The following PTPRD variants were observed in gnomAD, a reference collection of about 807,000 sequenced individuals.
PTPRD encodes the protein receptor-type tyrosine-protein phosphatase delta.
Under a neutral mutation model 214.5 loss-of-function variants are expected in PTPRD, and 34 were observed. The observed-to-expected ratio is 0.16, with a 90% CI of 0.12 to 0.21. The LOEUF (loss-of-function observed/expected upper bound fraction) is 0.21, where lower values mean the gene tolerates loss of function less well. PTPRD is among the 10% of genes least tolerant of loss of function. The probability of loss-of-function intolerance (pLI) is 1.00; values close to 1 mark genes in which losing one functional copy is unlikely to be tolerated. For missense variants in PTPRD, 2,545 were observed against 2,398.7 expected, an observed-to-expected ratio of 1.06 and a Z score of -1.27; for synonymous variants, 1,128 against 845.7, an observed-to-expected ratio of 1.33 and a Z score of -5.79.
At chr9:10,139,601 C>A (rs77494515) in intron 3 of PTPRD, among the ~76,000 whole-genome samples, 1 of 151,684 alleles carries the variant, frequency 6.6e-6, no homozygotes, top group African/African-American at 2.4e-5. Context: ...AACAAACAAA[C>A]GAAATGAGCT....
At chr9:10,409,554 C>G (rs1244679785) in intron 2 of PTPRD, among the ~76,000 whole-genome samples, 1 of 151,714 alleles carries the variant, frequency 6.6e-6, no homozygotes, top group Non-Finnish European at 1.5e-5. Context: ...TTATCTCCTA[C>G]CTTTCTAGGA....
chr9:9,110,713 A>C (rs1310767143), intron 10 of PTPRD, among the ~76,000 whole-genome samples: 1 of 152,004 alleles, frequency 6.6e-6, no homozygotes, highest in African/African-American at 2.4e-5. Flanking sequence ...ACCACCATCA[A>C]CTCAGCCTGT....
At chr9:8,545,333 C>A (rs150393077) in intron 14 of PTPRD, among the ~76,000 whole-genome samples, 8 of 152,118 alleles carry the variant, frequency 5.3e-5, no homozygotes, top group Admixed American at 4.6e-4. Context: ...CCAAATGGAA[C>A]CTGTAACAGA....
intron 7 of PTPRD, among the ~76,000 whole-genome samples, chr9:9,656,232 C>T (rs1053923124): frequency 8.5e-5 from 13 of 152,136 alleles, no homozygotes; most frequent in Non-Finnish European, 1.9e-4. Context: ...TAAAATTAAA[C>T]ATACACCTAC....
At chr9:8,833,362 G>T (rs10123978) in intron 11 of PTPRD, among the ~76,000 whole-genome samples, 4 of 151,986 alleles carry the variant, frequency 2.6e-5, no homozygotes, top group African/African-American at 7.2e-5. Flanking sequence ...AAAGTAACAG[G>T]CAGAGAAATG....
At chr9:10,003,594 A>G (rs564843422) in intron 4 of PTPRD, among the ~76,000 whole-genome samples, 1 of 151,894 alleles carries the variant, frequency 6.6e-6, no homozygotes, top group Non-Finnish European at 1.5e-5. Flanking sequence ...CCAATGATAA[A>G]TCTTTTTATA....
At chr9:10,566,882 T>A (rs750093236) in intron 2 of PTPRD, among the ~76,000 whole-genome samples, 3 of 152,112 alleles carry the variant, frequency 2.0e-5, no homozygotes, top group African/African-American at 7.2e-5. Context: ...CTTATCCTCA[T>A]AGGAATAGTC....
intron 12 of PTPRD, among the ~76,000 whole-genome samples, chr9:8,709,746 C>T (rs1200470261): frequency 6.6e-6 from 1 of 151,908 alleles, no homozygotes; most frequent in Non-Finnish European, 1.5e-5. Context: ...CATTTAGATC[C>T]TAATGGAAGA....
chr9:9,760,641 CACACACACACACATAT>C (rs2098645485), intron 6 of PTPRD, among the ~76,000 whole-genome samples: 2 of 134,710 alleles, frequency 1.5e-5, no homozygotes, highest in Middle Eastern at 3.7e-3. Flanking sequence ...CACACACACA[CACACACACACACATAT>C]ATATATATAT....
chr9:9,536,202 T>C (rs1304844489), intron 8 of PTPRD, among the ~76,000 whole-genome samples: 1 of 152,010 alleles, frequency 6.6e-6, no homozygotes, highest in Non-Finnish European at 1.5e-5. Flanking sequence ...CTACATATTT[T>C]TGTATGTATC....
At chr9:8,887,244 A>G (rs2098498941) in intron 11 of PTPRD, among the ~76,000 whole-genome samples, 1 of 152,182 alleles carries the variant, frequency 6.6e-6, no homozygotes, top group African/African-American at 2.4e-5. Context: ...ATCTCACGGC[A>G]GAGACCTAGG....
chr9:8,854,245 G>C lies in PTPRD; in HGVS notation c.-103-120299C>G, dbSNP rs1484712292. Among the ~76,000 whole-genome samples the C allele has an allele frequency of 2.6e-5, 4 of 152,130 alleles. No homozygotes were observed. The East Asian group carries it at 7.7e-4, about 29-fold the overall frequency. On this transcript the variant is annotated intron_variant, in intron 11 of 45. Coordinates refer to ENST00000381196, the MANE Select transcript of PTPRD (RefSeq NM_002839.4). ...CTGATGCTCCTAGGATCACAAGTTA[G>C]AGCACAAGAGCACACACACACTTGA...
chr9:10,566,662 T>G (rs1165264531), intron 2 of PTPRD, among the ~76,000 whole-genome samples: 1 of 152,028 alleles, frequency 6.6e-6, no homozygotes, highest in East Asian at 1.9e-4. Flanking sequence ...TTATGGTATT[T>G]TCTGGACAGA....
chr9:8,776,622 ATG>A (rs2095487758), intron 11 of PTPRD, among the ~76,000 whole-genome samples: 2 of 151,982 alleles, frequency 1.3e-5, no homozygotes, highest in Non-Finnish European at 2.9e-5. Flanking sequence ...AATGAAAGCA[ATG>A]ATGGGGGTGA....
At chr9:10,575,046 A>C (rs2068758709) in intron 2 of PTPRD, among the ~76,000 whole-genome samples, 1 of 151,994 alleles carries the variant, frequency 6.6e-6, no homozygotes, top group Non-Finnish European at 1.5e-5. Flanking sequence ...ATGTATGAGA[A>C]ATATTTTTCA....
chr9:9,733,339 G>T lies in PTPRD; in HGVS notation c.-287+1194C>A, dbSNP rs115851383. 2.0e-3 allele frequency among the ~76,000 whole-genome samples: 300 copies of T among 152,260 alleles called. 1 individual carries two copies. The highest frequency in any genetic ancestry group is 6.4e-3 in the African/African-American group (264 of 41,556). On this transcript the variant is annotated intron_variant, in intron 7 of 45. Transcript: ENST00000381196. ...ATCTCTATGGGAAAGGCATCATTCAGTGGCTTTCTTAGTGATGAGATCTGA... is the reference window on the plus strand; with the variant it reads ...ATCTCTATGGGAAAGGCATCATTCATTGGCTTTCTTAGTGATGAGATCTGA...
At chr9:8,883,720 G>C (rs1165433192) in intron 11 of PTPRD, among the ~76,000 whole-genome samples, 1 of 152,086 alleles carries the variant, frequency 6.6e-6, no homozygotes, top group Non-Finnish European at 1.5e-5. Flanking sequence ...CTTTTATACA[G>C]GTCTTGTATT....
intron 10 of PTPRD, among the ~76,000 whole-genome samples, chr9:9,078,628 G>C (rs1591202904): frequency 6.6e-6 from 1 of 151,162 alleles, no homozygotes; most frequent in Non-Finnish European, 1.5e-5. Flanking sequence ...CTCTGGGAAA[G>C]GAGTTGTGTT....
At chr9:9,560,692 G>C (rs554646414) in intron 8 of PTPRD, among the ~76,000 whole-genome samples, 24 of 152,320 alleles carry the variant, frequency 1.6e-4, no homozygotes, top group African/African-American at 5.3e-4. Flanking sequence ...AGTCCAAGGG[G>C]AGTGGGTGGA....
Sources: allele counts gnomAD v4.1 joint callset (sites outside exome capture counted in the v4.1 genomes callset), GRCh38; gene constraint gnomAD v4.1.1; transcripts MANE v1.5; gene names NCBI Gene and HGNC (gene_info 2026-07-23, HGNC 2026-07-21).